Variants in PIK3AP1 observed in about 807,000 individuals in gnomAD.
PIK3AP1 encodes phosphoinositide-3-kinase adaptor protein 1.
In PIK3AP1, 21 loss-of-function variants were observed where a neutral mutation model predicts 88.1. The ratio of observed to expected loss-of-function variants is 0.24; its 90% CI spans 0.17 to 0.34. The LOEUF (loss-of-function observed/expected upper bound fraction) is 0.34, where lower values mean the gene tolerates loss of function less well. Among genes scored for constraint, PIK3AP1 ranks in the 10% least tolerant of loss-of-function variants. PIK3AP1 has a pLI of 1.00. For synonymous variants in PIK3AP1, 398 were observed against 400.0 expected, an observed-to-expected ratio of 1.00 and a Z score of 0.06; for missense variants, 828 against 1,035.7, an observed-to-expected ratio of 0.80 and a Z score of 2.75.
At chr10:96,672,113 CGAA>C (rs552434410) in intron 2 of PIK3AP1, among the ~76,000 whole-genome samples, 21 of 152,232 alleles carry the variant, frequency 1.4e-4, no homozygotes, top group African/African-American at 4.8e-4. Context: ...GTTGTAGAAA[CGAA>C]GAAGGAGGAA....
chr10:96,629,930 A>AAAAAGAAGAAGAAGAAG (rs776780994), intron 8 of PIK3AP1, among the ~76,000 whole-genome samples: 1 of 13,726 alleles, frequency 7.3e-5, no homozygotes, highest in African/African-American at 1.8e-4. Context: ...AAAAAAAAAA[A>AAAAAGAAGAAGAAGAAG]AAGAAGAAGA....
At chr10:96,603,671 TACACACACAC>T (rs10528215) in intron 15 of PIK3AP1, 8,430 of 162,776 alleles carry the variant, frequency 0.052, 469 homozygotes, top group African/African-American at 0.15. Context: ...TACTACTTAA[TACACACACAC>T]ACACACACAC....
At chr10:96,606,303 G>A (rs181975556) in intron 14 of PIK3AP1, among the ~76,000 whole-genome samples, 43 of 152,154 alleles carry the variant, frequency 2.8e-4, no homozygotes, top group Middle Eastern at 6.8e-3. Flanking sequence ...TCGGGCCCAC[G>A]GGCCCCCATC....
chr10:96,660,919 T>TC (rs1386221943), intron 2 of PIK3AP1, among the ~76,000 whole-genome samples: 28 of 151,922 alleles, frequency 1.8e-4, no homozygotes, highest in African/African-American at 6.8e-4. Context: ...GCATGGTGGC[T>TC]CACCCCTGTA....
At chr10:96,678,792 T>C (rs1480686468) in intron 2 of PIK3AP1, among the ~76,000 whole-genome samples, 1 of 152,188 alleles carries the variant, frequency 6.6e-6, no homozygotes, top group Non-Finnish European at 1.5e-5. Flanking sequence ...GTCCTTTGTA[T>C]GTAGTGTTTT....
intron 10 of PIK3AP1, among the ~76,000 whole-genome samples, chr10:96,624,387 T>C (rs1330083060): frequency 1.3e-5 from 2 of 152,166 alleles, no homozygotes; most frequent in East Asian, 3.8e-4. Flanking sequence ...TGCCTTACAG[T>C]TTGTAAAGTA....
intron 13 of PIK3AP1, among the ~76,000 whole-genome samples, chr10:96,614,017 G>A (rs956335093): frequency 2.6e-5 from 4 of 152,120 alleles, no homozygotes; most frequent in Admixed American, 2.0e-4. Context: ...CCCCAACCTC[G>A]CTGGCCCCAG....
In PIK3AP1 at chr10:96,645,559, A is replaced by G; in HGVS notation, c.1289T>C (p.Leu430Pro). The change falls in exon 8 of 17, where the codon CTT becomes CCT. Residue 430 changes from leucine to proline, a missense_variant. Physicochemically the swap from Leu to Pro is moderately conservative, Grantham distance 98 (BLOSUM62 -3). This residue lies in a region of PIK3AP1 where 610 missense variants were observed against 760.1 expected (regional missense o/e 0.80). Coordinates refer to ENST00000339364, the MANE Select transcript of PIK3AP1 (RefSeq NM_152309.3). ...ESMAHLSTDL[L>P]MKCSLNPGCD... is the part of the protein sequence containing the mutation. ...GCCGGGGTTGAGCGAGCATTTCATA[A>G]GCAGGTCTGTGGAAAGGTGGGCCAT... The G allele has an allele frequency of 6.2e-7, 1 of 1,614,040 alleles. No individual in the cohort carries two copies.
chr10:96,716,057 G>T (rs894481838), intron 1 of PIK3AP1, among the ~76,000 whole-genome samples: 2 of 152,114 alleles, frequency 1.3e-5, no homozygotes, highest in African/African-American at 4.8e-5. Flanking sequence ...AATGCAGGCG[G>T]ATCACTTGAC....
intron 13 of PIK3AP1, 146 bp from the exon 14 acceptor site, chr10:96,610,013 G>A: frequency 9.9e-7 from 1 of 1,008,890 alleles, no homozygotes; most frequent in Non-Finnish European, 1.5e-6. Context: ...GGAGAGGGAG[G>A]GGCCCTGGGT....
intron 1 of PIK3AP1, among the ~76,000 whole-genome samples, chr10:96,716,926 G>C (rs961470884): frequency 1.3e-5 from 2 of 152,150 alleles, no homozygotes; most frequent in Admixed American, 1.3e-4. Context: ...TCCATGGGGT[G>C]AAAAGCTGGG....
At chr10:96,640,996 A>C (rs1843378828) in intron 8 of PIK3AP1, among the ~76,000 whole-genome samples, 1 of 152,004 alleles carries the variant, frequency 6.6e-6, no homozygotes, top group African/African-American at 2.4e-5. Context: ...AATTCTTAAG[A>C]GAATTGGGAG....
chr10:96,617,838 G>T (rs1199397646), intron 12 of PIK3AP1, among the ~76,000 whole-genome samples: 1 of 152,222 alleles, frequency 6.6e-6, no homozygotes, highest in African/African-American at 2.4e-5. Context: ...GGGATGGTTT[G>T]TTGTTAGACA....
chr10:96,657,487 C>A (rs934204828), intron 2 of PIK3AP1, among the ~76,000 whole-genome samples: 1 of 152,164 alleles, frequency 6.6e-6, no homozygotes. Context: ...ACCTGTACCA[C>A]GGAAAGATTG....
intron 13 of PIK3AP1, among the ~76,000 whole-genome samples, chr10:96,612,980 ATATT>A (rs1564954903): frequency 8.1e-5 from 3 of 36,968 alleles, no homozygotes; most frequent in African/African-American, 3.5e-4. Flanking sequence ...ATATATATAT[ATATT>A]TTTTTTTTTT....
chr10:96,661,823 AGGAC>A lies in PIK3AP1; in HGVS notation c.431-4893_431-4890del, dbSNP rs879269567. Among the ~76,000 whole-genome samples, 904 of 147,182 alleles carry A rather than the reference AGGAC, an allele frequency of 6.1e-3. 4 individuals carry two copies. Among genetic ancestry groups the A allele is most frequent in the African/African-American group, 0.014 (571 of 39,762 alleles). On this transcript the variant is annotated intron_variant, in intron 2 of 16. Coordinates refer to ENST00000339364, the MANE Select transcript of PIK3AP1 (RefSeq NM_152309.3). ...AGGACAGGACAGGACAGGACAGGAC[AGGAC>A]AGGAAAGGAAAGGGAAAAGGGAAAG...
chr10:96,603,283 A>G (rs1362758815), intron 15 of PIK3AP1, among the ~76,000 whole-genome samples: 1 of 152,156 alleles, frequency 6.6e-6, no homozygotes, highest in Non-Finnish European at 1.5e-5. Flanking sequence ...CATCACCCCA[A>G]AAAGAAACCC....
At chr10:96,667,535 G>A (rs1310478793) in intron 2 of PIK3AP1, among the ~76,000 whole-genome samples, 3 of 152,128 alleles carry the variant, frequency 2.0e-5, no homozygotes, top group Admixed American at 6.5e-5. Context: ...CACTGTCCAA[G>A]TCACCCAGTG....
intron 8 of PIK3AP1, among the ~76,000 whole-genome samples, chr10:96,644,959 G>A (rs551172613): frequency 6.6e-6 from 1 of 152,020 alleles, no homozygotes; most frequent in Non-Finnish European, 1.5e-5. Context: ...AATGTTTGAA[G>A]CCGTTGACCG....
Sources: gnomAD v4.1 joint callset for allele counts (sites outside exome capture counted in the v4.1 genomes callset) on GRCh38, gnomAD v4.1.1 for gene constraint, gnomAD v4.1.1 regional missense constraint, MANE v1.5 for transcripts, NCBI Gene and HGNC (gene_info 2026-07-23, HGNC 2026-07-21) for gene names.